Variants in FCRL3 observed in about 807,000 individuals in gnomAD.
The protein encoded by FCRL3 is Fc receptor like 3, also known as Fc receptor-like protein 3.
Under a neutral mutation model 75.0 loss-of-function variants are expected in FCRL3, and 89 were observed. The ratio of observed to expected loss-of-function variants is 1.19; its 90% CI spans 1.00 to 1.42. The LOEUF is 1.42. Among genes scored for constraint, FCRL3 ranks in the 40% most tolerant of loss-of-function variants. The pLI is 0.00. For synonymous variants in FCRL3, 376 were observed against 348.5 expected (o/e 1.08, Z -0.88); for missense variants, 946 against 880.0 (o/e 1.07, Z -0.95).
chr1:157,694,028 G>T (rs1472102891), intron 8 of FCRL3, among the ~76,000 whole-genome samples: 1 of 152,076 alleles, frequency 6.6e-6, no homozygotes, highest in Non-Finnish European at 1.5e-5. Flanking sequence ...AGGATTACAG[G>T]CATGAGCCAC....
rs1468904493 is a variant in FCRL3, at chr1:157,678,278, C to T, written c.*432G>A. ...GGATACAGCATATACACCAAAACAT[C>T]AGCAATGCCACTACCAGCCACACAA... On this transcript the variant is annotated 3_prime_UTR_variant, in exon 15 of 15. Coordinates refer to ENST00000368184, the MANE Select transcript of FCRL3 (RefSeq NM_052939.4). 8.9e-6 allele frequency: 9 copies of T among 1,007,702 alleles called. No homozygotes were observed. Among genetic ancestry groups the T allele is most frequent in the Non-Finnish European group, 1.1e-5 (9 of 843,270 alleles). 62.4% of individuals were successfully genotyped at this position (1,007,702 alleles called of 1,614,324 possible). A position where few individuals can be genotyped will look rare whatever the true frequency, so the allele number is the denominator to read the frequency against.
At chr1:157,682,135 G>A (rs371342550) in intron 11 of FCRL3, among the ~76,000 whole-genome samples, 141 of 152,150 alleles carry the variant, frequency 9.3e-4, no homozygotes, top group African/African-American at 3.3e-3. Context: ...CGTAGATTCC[G>A]GATATTAGCC....
chr1:157,685,752 C>G (rs1338225706), intron 10 of FCRL3, among the ~76,000 whole-genome samples: 1 of 152,184 alleles, frequency 6.6e-6, no homozygotes, highest in African/African-American at 2.4e-5. Flanking sequence ...CAAGTACACT[C>G]TTAGACTACA....
chr1:157,692,590 CT>C (rs1655621328), intron 8 of FCRL3, among the ~76,000 whole-genome samples: 1 of 152,162 alleles, frequency 6.6e-6, no homozygotes, highest in African/African-American at 2.4e-5. Context: ...GACCTCAAAC[CT>C]TTTTGTATCA....
In FCRL3 at chr1:157,692,238, A is replaced by G. The variant is rs371629615; in HGVS notation, c.1412-1705T>C. 1.1e-4 allele frequency among the ~76,000 whole-genome samples: 16 copies of G among 152,084 alleles called. No homozygotes were observed. The South Asian group carries it at 3.3e-3, about 32-fold the overall frequency. ...TTTTATTTTTTAATTTAATTTCTGT[A>G]TTCTTTTTTTGTTTTTTTGAGACAG... On this transcript the variant is annotated intron_variant, in intron 8 of 14. Transcript: ENST00000368184.
At chr1:157,681,166 A>C (rs1022247761) in intron 11 of FCRL3, 67 bp from the exon 12 acceptor site, 13 of 1,093,072 alleles carry the variant, frequency 1.2e-5, no homozygotes, top group Non-Finnish European at 1.6e-5. Flanking sequence ...CAGGGAAATC[A>C]ATATTCTGGA....
chr1:157,680,455 C>T (rs1294303211), intron 13 of FCRL3, among the ~76,000 whole-genome samples: 2 of 152,208 alleles, frequency 1.3e-5, no homozygotes, highest in Non-Finnish European at 2.9e-5. Flanking sequence ...GTTTTCCAAG[C>T]ATTGAGCTAA....
At chr1:157,681,430 C>T (rs540722270) in intron 11 of FCRL3, among the ~76,000 whole-genome samples, 1 of 127,306 alleles carries the variant, frequency 7.9e-6, no homozygotes, top group East Asian at 2.7e-4. Flanking sequence ...GTGTGATGTT[C>T]CCCTTCCTGT....
At chr1:157,690,755 G>A (rs1018865315) in intron 8 of FCRL3, among the ~76,000 whole-genome samples, 2 of 152,110 alleles carry the variant, frequency 1.3e-5, no homozygotes, top group African/African-American at 4.8e-5. Context: ...GTAAAACTGA[G>A]TTAATGATAC....
At position 157,676,530 on chromosome 1, in the gene FCRL3, T is replaced by G. The variant is rs967310991; in HGVS notation, c.*2180A>C. 12 of 551,884 alleles carry G rather than the reference T, an allele frequency of 2.2e-5. No individual in the cohort carries two copies. The highest frequency in any genetic ancestry group is 3.7e-5 in the Non-Finnish European group (12 of 324,320). 34.2% of individuals were successfully genotyped at this position (551,884 alleles called of 1,614,324 possible). A position where few individuals can be genotyped will look rare whatever the true frequency, so the allele number is the denominator to read the frequency against. On this transcript the variant is annotated 3_prime_UTR_variant, in exon 15 of 15. Transcript: ENST00000368184. ...TTCAAAGGCTCCACTAAAATTACTT[T>G]TTTTAGATTTCTGGGCTATGGGTTT...
intron 8 of FCRL3, among the ~76,000 whole-genome samples, chr1:157,693,423 T>C (rs1655681084): frequency 6.6e-6 from 1 of 151,554 alleles, no homozygotes; most frequent in African/African-American, 2.4e-5. Flanking sequence ...GATTGAAAAA[T>C]GAGTATCATG....
chr1:157,700,772 C>T, upstream of FCRL3: 2 of 1,270,460 alleles, frequency 1.6e-6, no homozygotes, highest in Non-Finnish European at 2.0e-6. Flanking sequence ...AAGACTGTGC[C>T]TGGGTTCTCT....
chr1:157,695,416 T>C lies in FCRL3; in HGVS notation c.1324A>G (p.Thr442Ala). 6.2e-7 allele frequency: 1 copy of C among 1,614,202 alleles called. No homozygotes were observed. The highest frequency in any genetic ancestry group is 8.5e-7 in the Non-Finnish European group (1 of 1,180,022). Residue 442 changes from threonine to alanine, a missense_variant, in exon 8 of 15, where the codon ACT (threonine) becomes GCT (alanine). Coordinates refer to ENST00000368184, the MANE Select transcript of FCRL3 (RefSeq NM_052939.4). ...GAGTAGTTTCCAGAATGTTCTGCAGTCAGAGAGAGGTTGAAGGAGGCTCCT... is the reference window on the plus strand; with the variant it reads ...GAGTAGTTTCCAGAATGTTCTGCAGCCAGAGAGAGGTTGAAGGAGGCTCCT... ...GGGASFNLSL[T>A]AEHSGNYSCD... is the part of the protein sequence containing the mutation.
intron 6 of FCRL3, 141 bp downstream of exon 6, chr1:157,696,999 C>G (rs963503776): frequency 6.1e-6 from 5 of 815,460 alleles, no homozygotes; most frequent in Non-Finnish European, 8.4e-6. Context: ...GTTAGACCAA[C>G]GTTGAGCTTA....
At chr1:157,691,776 C>CT (rs1328492956) in intron 8 of FCRL3, 1 of 152,164 alleles carries the variant, frequency 6.6e-6, no homozygotes, top group African/African-American at 2.4e-5. Context: ...TTTCCAACCT[C>CT]TTGCATCCCC....
intron 3 of FCRL3, among the ~76,000 whole-genome samples, chr1:157,699,321 C>T (rs139181441): frequency 5.3e-5 from 8 of 152,230 alleles, no homozygotes; most frequent in East Asian, 3.9e-4. Flanking sequence ...CATCTTCCTC[C>T]GTGGATGGGA....
intron 6 of FCRL3, 57 bp from the exon 7 acceptor site, chr1:157,696,384 G>C (rs1238133308): frequency 6.3e-7 from 1 of 1,591,908 alleles, no homozygotes; most frequent in African/African-American, 1.3e-5. Context: ...TCAAGGTCAA[G>C]GGGAAGGCTG....
At chr1:157,680,949 C>G in intron 12 of FCRL3, 32 bp downstream of exon 12, 1 of 1,544,256 alleles carries the variant, frequency 6.5e-7, no homozygotes, top group African/African-American at 1.4e-5. Flanking sequence ...TGGCTCCTCC[C>G]TAGAGCCTTC....
chr1:157,699,790 T>C (rs58517866), intron 2 of FCRL3, 78 bp from the exon 3 acceptor site: 1 of 1,495,378 alleles, frequency 6.7e-7, no homozygotes, highest in Non-Finnish European at 9.2e-7. Context: ...ACTTCTTTTG[T>C]TTTTCCTTAT....
Sources: allele counts gnomAD v4.1 joint callset (sites outside exome capture counted in the v4.1 genomes callset), GRCh38; gene constraint gnomAD v4.1.1; transcripts MANE v1.5; gene names NCBI Gene and HGNC (gene_info 2026-07-23, HGNC 2026-07-21).